Variants in DYRK1A observed in about 807,000 individuals in gnomAD.
DYRK1A encodes dual specificity tyrosine phosphorylation regulated kinase 1A, also known as dual specificity tyrosine-phosphorylation-regulated kinase 1A.
Under a neutral mutation model 79.7 loss-of-function variants are expected in DYRK1A, and 9 were observed. The ratio of observed to expected loss-of-function variants is 0.11; its 90% CI spans 0.07 to 0.20. The LOEUF is 0.20. DYRK1A is among the 10% of genes least tolerant of loss of function. The probability of loss-of-function intolerance (pLI) is 1.00; values close to 1 mark genes in which losing one functional copy is unlikely to be tolerated. For missense variants in DYRK1A, 622 were observed against 956.0 expected (o/e 0.65, Z 4.61); for synonymous variants, 349 against 329.7 (o/e 1.06, Z -0.63).
intron 2 of DYRK1A, among the ~76,000 whole-genome samples, chr21:37,435,610 T>G (rs1447153664): frequency 6.6e-6 from 1 of 152,210 alleles, no homozygotes; most frequent in Non-Finnish European, 1.5e-5. Flanking sequence ...AAAATATAAC[T>G]CAGGTAGCAG....
intron 2 of DYRK1A, among the ~76,000 whole-genome samples, chr21:37,455,789 A>G (rs2051617520): frequency 6.6e-6 from 1 of 152,162 alleles, no homozygotes; most frequent in African/African-American, 2.4e-5. Flanking sequence ...GCCAGGTACC[A>G]TTTTAAACAT....
Position 37,389,653 on chromosome 21 carries a change from T to C in DYRK1A, c.-77+22025T>C, listed in dbSNP as rs187016658. On this transcript the variant is annotated intron_variant, in intron 1 of 11. Coordinates refer to ENST00000647188, the MANE Select transcript of DYRK1A (RefSeq NM_001347721.2). ...TCAAATATTTGGCCATCCTTGGGCA[T>C]GTGGCTTGTATTTAGGAGTAAGGCA... 1.2e-3 allele frequency among the ~76,000 whole-genome samples: 177 copies of C among 152,024 alleles called. 3 individuals carry two copies. Among genetic ancestry groups the C allele is most frequent in the Admixed American group, 2.9e-3 (44 of 15,210 alleles).
At chr21:37,449,500 G>C (rs1373196319) in intron 2 of DYRK1A, among the ~76,000 whole-genome samples, 1 of 152,214 alleles carries the variant, frequency 6.6e-6, no homozygotes, top group Non-Finnish European at 1.5e-5. Flanking sequence ...TTATGGGTCA[G>C]ACGTGGTAGT....
At chr21:37,461,560 C>T (rs892054473) in intron 2 of DYRK1A, among the ~76,000 whole-genome samples, 1 of 152,110 alleles carries the variant, frequency 6.6e-6, no homozygotes, top group Non-Finnish European at 1.5e-5. Context: ...TTTTTGAGGG[C>T]GGATCTACTG....
At chr21:37,506,343 G>C in intron 11 of DYRK1A, 120 bp downstream of exon 11, 1 of 1,583,774 alleles carries the variant, frequency 6.3e-7, no homozygotes, top group Non-Finnish European at 8.6e-7. Flanking sequence ...TGACGTTCCT[G>C]TCTAAGGAAA....
At chr21:37,408,533 T>C (rs2050189103) in intron 1 of DYRK1A, among the ~76,000 whole-genome samples, 1 of 152,196 alleles carries the variant, frequency 6.6e-6, no homozygotes, top group Non-Finnish European at 1.5e-5. Context: ...ATTCCCAAGA[T>C]TTATCTGATT....
At chr21:37,495,152 TTGTGTGTGTGTGTGTGTGTGTGTG>T (rs56226706) in intron 8 of DYRK1A, among the ~76,000 whole-genome samples, 16 of 137,646 alleles carry the variant, frequency 1.2e-4, no homozygotes, top group South Asian at 2.5e-4. Flanking sequence ...CTCTGGGATT[TTGTGTGTGTGTGTGTGTGTGTGTG>T]TGTGTGTGTG....
At chr21:37,366,553 C>T (rs1416660692), upstream of DYRK1A, among the ~76,000 whole-genome samples, 2 of 151,500 alleles carry the variant, frequency 1.3e-5, no homozygotes, top group African/African-American at 4.8e-5. Context: ...ACGCGCCCTC[C>T]TCTGACACTC....
rs1315997111 is a variant in DYRK1A at position 37,523,842 on chromosome 21, G to C, written c.*11311G>C. The C allele has an allele frequency of 2.6e-5, 4 of 152,154 alleles. No homozygotes were observed. Among genetic ancestry groups the C allele is most frequent in the Non-Finnish European group, 5.9e-5 (4 of 68,028 alleles). The allele number at this position is 152,154 out of a possible 1,614,324, so 9.4% of individuals were successfully genotyped here. A position where few individuals can be genotyped will look rare whatever the true frequency, so the allele number is the denominator to read the frequency against. On this transcript the variant is annotated 3_prime_UTR_variant, in exon 12 of 12. Coordinates refer to ENST00000647188, the MANE Select transcript of DYRK1A (RefSeq NM_001347721.2). ...TTTGCAAGTTGTCCACGGCCACTTT[G>C]GTGCTACTGTGGCAGAATTGAGTAG...
At chr21:37,443,996 T>C (rs2051187123) in intron 2 of DYRK1A, among the ~76,000 whole-genome samples, 1 of 152,208 alleles carries the variant, frequency 6.6e-6, no homozygotes, top group South Asian at 2.1e-4. Flanking sequence ...CCTGTAACGT[T>C]GCCCCTGGAA....
rs1427530863 is a variant in DYRK1A, at chr21:37,493,034, G to A, written c.942G>A (p.Gln314=). 1.2e-6 allele frequency: 2 copies of A among 1,610,518 alleles called. No individual in the cohort carries two copies. The highest frequency in any genetic ancestry group is 1.7e-6 in the Non-Finnish European group (2 of 1,177,272). ...QLGQRIYQYI[Q]SRFYRSPEVL... The stretch of plus-strand genomic sequence containing the variant: ...TATTTCAGATATACCAGTATATTCA[G>A]AGTCGCTTTTATCGGTCTCCAGAGG... The change falls in exon 8 of 12, where the codon CAG becomes CAA. Residue 314 remains glutamine (Q), a synonymous_variant. Transcript: ENST00000647188.
chr21:37,397,379 A>G (rs1461480276), intron 1 of DYRK1A, among the ~76,000 whole-genome samples: 2 of 152,226 alleles, frequency 1.3e-5, no homozygotes, highest in Non-Finnish European at 2.9e-5. Flanking sequence ...AGGGTAGTAT[A>G]TTGAAAGACA....
rs1200922894 is a variant in DYRK1A at position 37,454,854 on chromosome 21, TATATTGAGAAGGGCA to T, written c.11-17829_11-17815del. ...GTTAAAGATGGAGTAGGCTTTCCAC[TATATTGAGAAGGGCA>T]CCTTATCCAGACAGATTTTAATAAG... On this transcript the variant is annotated intron_variant, in intron 2 of 11. Transcript: ENST00000647188. Among the ~76,000 whole-genome samples, 5 of 152,152 alleles carry T rather than the reference TATATTGAGAAGGGCA, an allele frequency of 3.3e-5. No individual in the cohort carries two copies. In the East Asian group the frequency reaches 9.6e-4, roughly 29 times the overall value.
Position 37,490,206 on chromosome 21 carries a change from C to T in DYRK1A, c.669C>T (p.Asn223=). ...TGAAACGCCACTTTATGTTTCGAAA[C>T]CATCTCTGTTTAGTTTTTGAAATGC... is the stretch of plus-strand genomic sequence containing the variant. The part of the protein sequence containing the change: ...VHLKRHFMFR[N]HLCLVFEMLS... The change falls in exon 7 of 12, where the codon AAC becomes AAT. Residue 223 remains asparagine (N), a synonymous_variant. Coordinates refer to ENST00000647188, the MANE Select transcript of DYRK1A (RefSeq NM_001347721.2). 1 of 1,613,174 alleles carries T rather than the reference C, an allele frequency of 6.2e-7. No individual in the cohort carries two copies. Among genetic ancestry groups the T allele is most frequent in the East Asian group, 2.2e-5 (1 of 44,848 alleles).
At chr21:37,462,669 A>G (rs1268080161) in intron 2 of DYRK1A, among the ~76,000 whole-genome samples, 3 of 152,140 alleles carry the variant, frequency 2.0e-5, no homozygotes, top group Admixed American at 1.3e-4. Context: ...TACCTGCTGC[A>G]CAAATTCCAG....
At chr21:37,454,241 C>T (rs534292951) in intron 2 of DYRK1A, among the ~76,000 whole-genome samples, 12 of 151,910 alleles carry the variant, frequency 7.9e-5, no homozygotes, top group East Asian at 1.9e-4. Flanking sequence ...TATAGGCGTG[C>T]GCTACCATGC....
At chr21:37,433,609 T>G (rs367882185) in intron 2 of DYRK1A, among the ~76,000 whole-genome samples, 6 of 152,232 alleles carry the variant, frequency 3.9e-5, no homozygotes, top group Admixed American at 3.9e-4. Context: ...TTGTGAAGTT[T>G]AAAGGGCTGA....
chr21:37,516,631 A>C lies in DYRK1A; in HGVS notation c.*4100A>C, dbSNP rs775278858. 1 of 152,198 alleles carries C rather than the reference A, an allele frequency of 6.6e-6. No individual in the cohort carries two copies. Among genetic ancestry groups the C allele is most frequent in the African/African-American group, 2.4e-5 (1 of 41,448 alleles). 9.4% of individuals were successfully genotyped at this position (152,198 alleles called of 1,614,324 possible). ...AATTTTTGACGTATGCCTGTGTTGA[A>C]GGCACTGGATGCTTGTTTTGTGGAA... On this transcript the variant is annotated 3_prime_UTR_variant, in exon 12 of 12. Coordinates refer to ENST00000647188, the MANE Select transcript of DYRK1A (RefSeq NM_001347721.2).
At position 37,516,967 on chromosome 21, in the gene DYRK1A, C is replaced by T. The variant is rs1013364728; in HGVS notation, c.*4436C>T. On this transcript the variant is annotated 3_prime_UTR_variant, in exon 12 of 12. Coordinates refer to ENST00000647188, the MANE Select transcript of DYRK1A (RefSeq NM_001347721.2). The stretch of plus-strand genomic sequence containing the variant: ...CCTGAAAATTTTTCCCCATAATTTC[C>T]CATCTTTAGGGTATGTCCCTGTTAT... The T allele has an allele frequency of 1.3e-5, 2 of 152,118 alleles. No individual in the cohort carries two copies. The highest frequency in any genetic ancestry group is 1.5e-5 in the Non-Finnish European group (1 of 68,038). The allele number at this position is 152,118 out of a possible 1,614,324, so 9.4% of individuals were successfully genotyped here. A position where few individuals can be genotyped will look rare whatever the true frequency, so the allele number is the denominator to read the frequency against.
Sources: allele counts gnomAD v4.1 joint callset (sites outside exome capture counted in the v4.1 genomes callset), GRCh38; gene constraint gnomAD v4.1.1; transcripts MANE v1.5; gene names NCBI Gene and HGNC (gene_info 2026-07-23, HGNC 2026-07-21).